GOSR1: variants seen among roughly 807,000 people sequenced by gnomAD.
The protein encoded by GOSR1 is golgi SNAP receptor complex member 1, also known as 28 kDa Golgi SNARE protein.
Under a neutral mutation model 35.5 loss-of-function variants are expected in GOSR1, and 21 were observed. That is an observed-to-expected ratio of 0.59 (90% CI 0.42 to 0.85). The LOEUF (loss-of-function observed/expected upper bound fraction) is 0.85. Among genes scored for constraint, GOSR1 ranks in the 40% least tolerant of loss-of-function variants. The pLI, the probability that GOSR1 is intolerant of heterozygous loss-of-function variation, is 0.00. For synonymous variants in GOSR1, 94 were observed against 106.6 expected, an observed-to-expected ratio of 0.88 and a Z score of 0.73; for missense variants, 285 against 309.6, an observed-to-expected ratio of 0.92 and a Z score of 0.60.
chr17:30,496,946 G>A (rs1967028066), intron 6 of GOSR1, among the ~76,000 whole-genome samples: 1 of 152,200 alleles, frequency 6.6e-6, no homozygotes, highest in South Asian at 2.1e-4. Flanking sequence ...ATTGCAGATT[G>A]TGCACATTAA....
At chr17:30,489,704 C>A (rs560874547) in intron 4 of GOSR1, among the ~76,000 whole-genome samples, 7 of 152,132 alleles carry the variant, frequency 4.6e-5, no homozygotes, top group African/African-American at 1.7e-4. Flanking sequence ...TGATTCTGTT[C>A]TTTTTTGTTT....
intron 6 of GOSR1, among the ~76,000 whole-genome samples, chr17:30,506,247 A>G (rs184885215): frequency 1.2e-3 from 177 of 152,372 alleles, no homozygotes; most frequent in African/African-American, 4.1e-3. Context: ...CCGAAAGCCA[A>G]TCTAAGCTGA....
chr17:30,516,717 T>C (rs1254458734), intron 7 of GOSR1, among the ~76,000 whole-genome samples: 1 of 152,044 alleles, frequency 6.6e-6, no homozygotes, highest in Non-Finnish European at 1.5e-5. Context: ...ATACTAACTT[T>C]GTTTTGTTTT....
chr17:30,517,769 CT>C (rs1370265000), intron 7 of GOSR1, among the ~76,000 whole-genome samples: 1 of 152,180 alleles, frequency 6.6e-6, no homozygotes, highest in Non-Finnish European at 1.5e-5. Context: ...TCCTTACACA[CT>C]TTTGTTTCTC....
At chr17:30,499,626 C>T (rs1390256843) in intron 6 of GOSR1, among the ~76,000 whole-genome samples, 1 of 152,232 alleles carries the variant, frequency 6.6e-6, no homozygotes, top group East Asian at 1.9e-4. Flanking sequence ...CAGGCGTGAG[C>T]CACTGTACCC....
At chr17:30,506,403 C>A (rs1967404966) in intron 6 of GOSR1, among the ~76,000 whole-genome samples, 2 of 152,232 alleles carry the variant, frequency 1.3e-5, no homozygotes, top group East Asian at 3.8e-4. Flanking sequence ...TTTTAATGGT[C>A]TGGTTAGAAG....
intron 6 of GOSR1, among the ~76,000 whole-genome samples, chr17:30,506,473 G>A (rs1197611913): frequency 6.6e-6 from 1 of 152,220 alleles, no homozygotes. Context: ...GCTCTCTTCA[G>A]CTTTATGAAG....
chr17:30,486,326 G>A (rs1327622292), intron 4 of GOSR1, among the ~76,000 whole-genome samples: 1 of 152,020 alleles, frequency 6.6e-6, no homozygotes, highest in African/African-American at 2.4e-5. Context: ...AGACCAGCCT[G>A]GCCAGCAGGG....
At chr17:30,506,175 A>G (rs1016931652) in intron 6 of GOSR1, among the ~76,000 whole-genome samples, 1 of 152,226 alleles carries the variant, frequency 6.6e-6, no homozygotes, top group Non-Finnish European at 1.5e-5. Flanking sequence ...AAGTGAAAGG[A>G]AGAGTTGCAC....
At chr17:30,486,021 A>AC (rs1286838998) in intron 4 of GOSR1, among the ~76,000 whole-genome samples, 1 of 140,804 alleles carries the variant, frequency 7.1e-6, no homozygotes, top group Non-Finnish European at 1.5e-5. Context: ...ACTCCATCTA[A>AC]AAAAAAAAAA....
chr17:30,494,216 A>AC (rs1567904302), intron 6 of GOSR1, among the ~76,000 whole-genome samples: 2 of 86,274 alleles, frequency 2.3e-5, no homozygotes. Flanking sequence ...CACACACACA[A>AC]CTTTGTAATG....
chr17:30,507,741 A>G (rs1379131979), intron 6 of GOSR1, among the ~76,000 whole-genome samples: 2 of 151,408 alleles, frequency 1.3e-5, no homozygotes, highest in Non-Finnish European at 2.9e-5. Flanking sequence ...AAAAAAAAAA[A>G]AAGTTAGAAA....
chr17:30,477,790 G>A (rs1440265748), intron 1 of GOSR1: 1 of 985,220 alleles, frequency 1.0e-6, no homozygotes, highest in Non-Finnish European at 1.2e-6. Context: ...GGGGCTTGGG[G>A]TACGAACTCT....
intron 6 of GOSR1, among the ~76,000 whole-genome samples, chr17:30,501,398 A>C (rs58596731): frequency 1.3e-4 from 20 of 152,264 alleles, no homozygotes; most frequent in African/African-American, 4.8e-4. Flanking sequence ...TAGAAGGAAC[A>C]CTGAAGGAAG....
chr17:30,482,068 A>C (rs554739435), intron 2 of GOSR1, among the ~76,000 whole-genome samples: 1 of 152,272 alleles, frequency 6.6e-6, no homozygotes, highest in East Asian at 1.9e-4. Flanking sequence ...CATTTTTAAA[A>C]AATGATAATT....
chr17:30,515,670 G>A (rs571696291), intron 7 of GOSR1, among the ~76,000 whole-genome samples: 1 of 152,308 alleles, frequency 6.6e-6, no homozygotes, highest in East Asian at 1.9e-4. Context: ...TCTGAGATCT[G>A]TGGAAAACTT....
At chr17:30,520,587 C>T (rs78190160) in intron 8 of GOSR1, among the ~76,000 whole-genome samples, 1,620 of 152,268 alleles carry the variant, frequency 0.011, 16 homozygotes, top group South Asian at 0.02. Flanking sequence ...ATTAATACTT[C>T]CCAGAAACCC....
chr17:30,498,380 G>A (rs1967078051), intron 6 of GOSR1, among the ~76,000 whole-genome samples: 1 of 152,056 alleles, frequency 6.6e-6, no homozygotes, highest in South Asian at 2.1e-4. Flanking sequence ...CAGCCAGGTG[G>A]GGTGGGGAGC....
rs914420261 is a variant in GOSR1 at position 30,526,592 on chromosome 17, T to C, written c.*4214T>C. On this transcript the variant is annotated 3_prime_UTR_variant, in exon 9 of 9. Transcript: ENST00000451249. ...AGGGAAATCAATTCCAACCATACTT[T>C]CCTGTGATGGAAGATGTTTCCTCTT... The C allele has an allele frequency of 6.6e-6, 1 of 152,668 alleles. No individual in the cohort carries two copies. Among genetic ancestry groups the C allele is most frequent in the African/African-American group, 2.4e-5 (1 of 41,472 alleles). 9.5% of individuals were successfully genotyped at this position (152,668 alleles called of 1,614,324 possible).
Sources: gnomAD v4.1 joint callset for allele counts (sites outside exome capture counted in the v4.1 genomes callset) on GRCh38, gnomAD v4.1.1 for gene constraint, MANE v1.5 for transcripts, NCBI Gene and HGNC (gene_info 2026-07-23, HGNC 2026-07-21) for gene names.